DLG2: variants seen among roughly 807,000 people sequenced by gnomAD.
DLG2 encodes discs large MAGUK scaffold protein 2, also known as disks large homolog 2.
DLG2 carries 45 observed loss-of-function variants against 132.5 expected under a neutral mutation model. That is an observed-to-expected ratio of 0.34 (90% CI 0.27 to 0.44). The LOEUF (loss-of-function observed/expected upper bound fraction) is 0.44. Ranked by LOEUF, DLG2 falls within the 20% of genes least tolerant of loss-of-function variation. DLG2 has a pLI of 1.00. For synonymous variants in DLG2, 424 were observed against 419.6 expected (o/e 1.01, Z -0.13); for missense variants, 1,045 against 1,196.9 (o/e 0.87, Z 1.87).
chr11:84,850,031 TGC>T (rs1243499860), intron 6 of DLG2, among the ~76,000 whole-genome samples: 2 of 152,162 alleles, frequency 1.3e-5, no homozygotes, highest in African/African-American at 4.8e-5. Flanking sequence ...TATTCAATTT[TGC>T]CTTACTTTGA....
chr11:85,082,262 A>G lies in DLG2; in HGVS notation c.357+29399T>C, dbSNP rs1196350056. 3.9e-5 allele frequency among the ~76,000 whole-genome samples: 6 copies of G among 152,140 alleles called. No individual in the cohort carries two copies. The East Asian group carries it at 1.2e-3, about 29-fold the overall frequency. On this transcript the variant is annotated intron_variant, in intron 6 of 27. Transcript: ENST00000376104. Reference sequence around the variant, plus strand: ...AGGAAAATACTGCTTTTTTTAAAAAACCTTCAAACTAAAGCATTTCAGCTT... The same window carrying G: ...AGGAAAATACTGCTTTTTTTAAAAAGCCTTCAAACTAAAGCATTTCAGCTT...
At chr11:84,015,344 G>C (rs1446416999) in intron 11 of DLG2, among the ~76,000 whole-genome samples, 1 of 152,042 alleles carries the variant, frequency 6.6e-6, no homozygotes, top group Non-Finnish European at 1.5e-5. Context: ...AGACTTGTGT[G>C]TATTAACCTT....
chr11:85,509,201 G>A (rs1257622774), intron 3 of DLG2, among the ~76,000 whole-genome samples: 1 of 151,980 alleles, frequency 6.6e-6, no homozygotes, highest in African/African-American at 2.4e-5. Context: ...ATCTACACCT[G>A]AGTCCTGAAA....
chr11:83,651,078 T>A (rs1427743685), intron 18 of DLG2, among the ~76,000 whole-genome samples: 1 of 152,210 alleles, frequency 6.6e-6, no homozygotes, highest in Non-Finnish European at 1.5e-5. Flanking sequence ...TTATTATACC[T>A]GTTTCCCCTG....
chr11:84,194,975 A>G (rs954795669), intron 8 of DLG2, among the ~76,000 whole-genome samples: 3 of 151,316 alleles, frequency 2.0e-5, no homozygotes, highest in East Asian at 3.9e-4. Flanking sequence ...CTCCCTCCAC[A>G]CCTCCCTGCA....
At chr11:84,081,149 T>C (rs534992533) in intron 10 of DLG2, among the ~76,000 whole-genome samples, 9 of 152,256 alleles carry the variant, frequency 5.9e-5, no homozygotes, top group East Asian at 1.9e-4. Flanking sequence ...TAGCAGTATA[T>C]TGTGGATTAT....
chr11:83,471,564 C>T (rs1453014282), intron 24 of DLG2, 62 bp downstream of exon 24: 2 of 1,211,280 alleles, frequency 1.7e-6, no homozygotes. Context: ...TACATTTTAC[C>T]ATCTCATAAA....
At chr11:84,787,083 C>T (rs1194558530) in intron 6 of DLG2, among the ~76,000 whole-genome samples, 1 of 152,128 alleles carries the variant, frequency 6.6e-6, no homozygotes, top group East Asian at 1.9e-4. Flanking sequence ...GAAACAATGA[C>T]TTTTTTGCAG....
Position 84,214,282 on chromosome 11 carries a change from A to T in DLG2, c.573+36956T>A, listed in dbSNP as rs1200855415. The stretch of plus-strand genomic sequence containing the variant: ...ATATGAATATATATACACATATATG[A>T]ATATATATATGAGAGAATATATATT... On this transcript the variant is annotated intron_variant, in intron 8 of 27. Transcript: ENST00000376104. Among the ~76,000 whole-genome samples the T allele has an allele frequency of 3.5e-5, 5 of 141,180 alleles. No homozygotes were observed. The East Asian group carries it at 7.8e-4, about 22-fold the overall frequency. 92.6% of individuals were successfully genotyped at this position (141,180 alleles called of 152,430 possible).
At chr11:85,346,349 A>G (rs1308819442) in intron 3 of DLG2, among the ~76,000 whole-genome samples, 1 of 151,618 alleles carries the variant, frequency 6.6e-6, no homozygotes, top group Admixed American at 6.6e-5. Flanking sequence ...CACCACGCCC[A>G]GCTAAATTTT....
intron 6 of DLG2, among the ~76,000 whole-genome samples, chr11:84,774,041 G>T (rs1482355270): frequency 2.0e-5 from 3 of 152,022 alleles, no homozygotes; most frequent in Non-Finnish European, 4.4e-5. Context: ...ATACCCTAAA[G>T]ATTTCAATAA....
rs561507040 is a variant in DLG2, at chr11:85,183,459, C to G, written c.187-28808G>C. Among the ~76,000 whole-genome samples the G allele has an allele frequency of 3.3e-4, 50 of 151,946 alleles. 1 individual carries two copies. Among genetic ancestry groups the G allele is most frequent in the African/African-American group, 1.2e-3 (48 of 41,488 alleles). On this transcript the variant is annotated intron_variant, in intron 4 of 27. Transcript: ENST00000376104. The stretch of plus-strand genomic sequence containing the variant: ...TACTTTGCTACACATGAATGGCAAA[C>G]TGAGGCTAAGAAAACTTAAGTGACC...
intron 6 of DLG2, among the ~76,000 whole-genome samples, chr11:84,719,927 G>C (rs377094851): frequency 2.0e-4 from 30 of 152,140 alleles, no homozygotes; most frequent in East Asian, 1.9e-3. Context: ...GGCTCTAGGT[G>C]GTAGTAACCT....
chr11:85,372,760 C>A (rs2152919750), intron 3 of DLG2, among the ~76,000 whole-genome samples: 1 of 152,234 alleles, frequency 6.6e-6, no homozygotes, highest in East Asian at 1.9e-4. Flanking sequence ...GCACTCATGG[C>A]AGCACCTGCC....
chr11:83,476,554 A>G (rs1457055082), intron 22 of DLG2, among the ~76,000 whole-genome samples: 1 of 152,168 alleles, frequency 6.6e-6, no homozygotes, highest in African/African-American at 2.4e-5. Flanking sequence ...GGATGTTCAG[A>G]AGATGAACTT....
chr11:83,709,801 T>G (rs899248143), intron 18 of DLG2, among the ~76,000 whole-genome samples: 18 of 152,204 alleles, frequency 1.2e-4, no homozygotes, highest in Non-Finnish European at 1.8e-4. Flanking sequence ...CAATGGCACT[T>G]GACCTTCCTG....
At chr11:85,495,596 A>G (rs959062250) in intron 3 of DLG2, among the ~76,000 whole-genome samples, 1 of 152,212 alleles carries the variant, frequency 6.6e-6, no homozygotes, top group Admixed American at 6.5e-5. Context: ...ATCTCATGCC[A>G]GTTAGAATGG....
intron 6 of DLG2, among the ~76,000 whole-genome samples, chr11:84,852,281 T>C (rs777087163): frequency 2.0e-4 from 30 of 152,012 alleles, no homozygotes; most frequent in Non-Finnish European, 3.5e-4. Flanking sequence ...TAAGACATGA[T>C]AAGACAATCC....
At chr11:85,083,487 G>A (rs1487301041) in intron 6 of DLG2, among the ~76,000 whole-genome samples, 2 of 152,148 alleles carry the variant, frequency 1.3e-5, no homozygotes, top group African/African-American at 2.4e-5. Context: ...GGCTTCAGGA[G>A]GTCCTGAGAA....
Sources: allele counts gnomAD v4.1 joint callset (sites outside exome capture counted in the v4.1 genomes callset), GRCh38; gene constraint gnomAD v4.1.1; transcripts MANE v1.5; gene names NCBI Gene and HGNC (gene_info 2026-07-23, HGNC 2026-07-21).